The following LPAR3 variants were observed in gnomAD, a reference collection of about 807,000 sequenced individuals.
LPAR3 encodes the protein lysophosphatidic acid receptor 3.
Under a neutral mutation model 17.8 loss-of-function variants are expected in LPAR3, and 7 were observed. The ratio of observed to expected loss-of-function variants is 0.39; its 90% CI spans 0.22 to 0.74. The LOEUF is 0.74. LPAR3 is among the 30% of genes least tolerant of loss of function. The pLI is 0.40. For missense variants in LPAR3, 391 were observed against 453.4 expected (o/e 0.86, Z 1.25); for synonymous variants, 179 against 179.9 (o/e 0.99, Z 0.04).
chr1:84,870,789 C>T (rs960645244), intron 1 of LPAR3, among the ~76,000 whole-genome samples: 1 of 152,142 alleles, frequency 6.6e-6, no homozygotes, highest in Non-Finnish European at 1.5e-5. Flanking sequence ...CAGGCAGCCT[C>T]GTTCTACAGC....
intron 2 of LPAR3, among the ~76,000 whole-genome samples, chr1:84,837,916 T>C (rs773226555): frequency 1.3e-5 from 2 of 152,220 alleles, no homozygotes; most frequent in Non-Finnish European, 2.9e-5. Context: ...ATGGTATCCT[T>C]AGATTATACA....
chr1:84,830,181 C>T (rs182153532), intron 2 of LPAR3, among the ~76,000 whole-genome samples: 32 of 152,326 alleles, frequency 2.1e-4, no homozygotes, highest in Non-Finnish European at 2.9e-4. Context: ...AGTTCTCTCT[C>T]GTTCTGATTC....
chr1:84,869,452 A>G (rs1186910473), intron 1 of LPAR3, among the ~76,000 whole-genome samples: 2 of 152,220 alleles, frequency 1.3e-5, no homozygotes, highest in African/African-American at 2.4e-5. Context: ...AATTGGTGAA[A>G]AAGATTGCAC....
At chr1:84,875,984 T>C (rs1220195019) in intron 1 of LPAR3, among the ~76,000 whole-genome samples, 1 of 152,154 alleles carries the variant, frequency 6.6e-6, no homozygotes, top group Non-Finnish European at 1.5e-5. Flanking sequence ...GTCTGAATCC[T>C]CAAACTCTAC....
At chr1:84,887,295 T>C (rs1314017998) in intron 1 of LPAR3, among the ~76,000 whole-genome samples, 2 of 151,796 alleles carry the variant, frequency 1.3e-5, no homozygotes, top group African/African-American at 4.8e-5. Context: ...GAGGATCACT[T>C]GAGCCCAGGA....
At chr1:84,819,671 G>A (rs1423922343) in intron 2 of LPAR3, among the ~76,000 whole-genome samples, 1 of 152,160 alleles carries the variant, frequency 6.6e-6, no homozygotes, top group Non-Finnish European at 1.5e-5. Context: ...TTGCATTTGG[G>A]AAAATGTTTG....
chr1:84,853,910 G>A (rs1437774983), intron 2 of LPAR3, among the ~76,000 whole-genome samples: 1 of 152,176 alleles, frequency 6.6e-6, no homozygotes, highest in Non-Finnish European at 1.5e-5. Context: ...GGGCCTGCAT[G>A]GTCTTTTAAC....
rs985603939 is a variant in LPAR3 at position 84,819,999 on chromosome 1, C to A, written c.737-5828G>T. Among the ~76,000 whole-genome samples, 32 of 152,182 alleles carry A rather than the reference C, an allele frequency of 2.1e-4. 1 individual carries two copies. The highest frequency in any genetic ancestry group is 7.7e-4 in the African/African-American group (32 of 41,438). On this transcript the variant is annotated intron_variant, in intron 2 of 2. Coordinates refer to ENST00000370611, the MANE Select transcript of LPAR3 (RefSeq NM_012152.3). ...CATTTCCTGAGAACTCTGGGTCAGG[C>A]AGTGTGCTCAGGGCTTTACATGCAC...
At position 84,813,942 on chromosome 1, in the gene LPAR3, G is replaced by A; in HGVS notation, c.966C>T (p.Arg322=). Residue 322 remains arginine (R), a synonymous_variant, in exon 3 of 3, where the codon CGC becomes CGT. Coordinates refer to ENST00000370611, the MANE Select transcript of LPAR3 (RefSeq NM_012152.3). ...TCCTGCTGAGGACTGTGGAGGGGAT[G>A]CGAGAGGGACGCCTCTCTGGGTTCT... ...SQENPERRPS[R]IPSTVLSRSD... is the part of the protein sequence containing the mutation. 1 of 1,614,178 alleles carries A rather than the reference G, an allele frequency of 6.2e-7. No individual in the cohort carries two copies. The highest frequency in any genetic ancestry group is 8.5e-7 in the Non-Finnish European group (1 of 1,180,008).
At chr1:84,860,950 G>A (rs1242795632) in intron 2 of LPAR3, among the ~76,000 whole-genome samples, 1 of 151,964 alleles carries the variant, frequency 6.6e-6, no homozygotes, top group Non-Finnish European at 1.5e-5. Flanking sequence ...TGTTGGCCAG[G>A]ATGGTCTCAA....
At chr1:84,857,632 C>T (rs920850110) in intron 2 of LPAR3, among the ~76,000 whole-genome samples, 10 of 152,192 alleles carry the variant, frequency 6.6e-5, no homozygotes, top group African/African-American at 2.2e-4. Context: ...GAGCATGTGA[C>T]TTTACAGAAA....
chr1:84,865,070 C>CT (rs960844581), intron 2 of LPAR3, among the ~76,000 whole-genome samples: 1 of 152,086 alleles, frequency 6.6e-6, no homozygotes, highest in African/African-American at 2.4e-5. Flanking sequence ...CCTCACAACA[C>CT]TTTTTTAAAG....
At chr1:84,828,326 G>A (rs911444390) in intron 2 of LPAR3, among the ~76,000 whole-genome samples, 1 of 152,086 alleles carries the variant, frequency 6.6e-6, no homozygotes, top group Non-Finnish European at 1.5e-5. Context: ...GTTTTAAATT[G>A]GCAGCAGTCT....
intron 2 of LPAR3, among the ~76,000 whole-genome samples, chr1:84,835,175 T>G (rs1468045436): frequency 6.6e-6 from 1 of 152,214 alleles, no homozygotes; most frequent in Non-Finnish European, 1.5e-5. Flanking sequence ...TAAATTCCTC[T>G]TAAAATGTGA....
At chr1:84,882,401 T>C (rs1344440677) in intron 1 of LPAR3, among the ~76,000 whole-genome samples, 2 of 152,146 alleles carry the variant, frequency 1.3e-5, no homozygotes, top group Non-Finnish European at 2.9e-5. Context: ...ACTGTGAAAA[T>C]GTCCATACTA....
chr1:84,863,297 C>G (rs570869858), intron 2 of LPAR3, among the ~76,000 whole-genome samples: 4 of 152,020 alleles, frequency 2.6e-5, no homozygotes, highest in Non-Finnish European at 4.4e-5. Context: ...CTCTTCCTTT[C>G]TTTCTCAATT....
intron 2 of LPAR3, among the ~76,000 whole-genome samples, chr1:84,817,951 G>A (rs1658973839): frequency 6.6e-6 from 1 of 152,224 alleles, no homozygotes; most frequent in Non-Finnish European, 1.5e-5. Flanking sequence ...TCAGTAGTAA[G>A]ATGCTTTACG....
chr1:84,884,114 T>G (rs1660414737), intron 1 of LPAR3, among the ~76,000 whole-genome samples: 1 of 152,234 alleles, frequency 6.6e-6, no homozygotes, highest in African/African-American at 2.4e-5. Flanking sequence ...AAAAGCAACT[T>G]CCTCTTTTCC....
At chr1:84,866,463 C>A (rs1660053572) in intron 1 of LPAR3, among the ~76,000 whole-genome samples, 1 of 152,138 alleles carries the variant, frequency 6.6e-6, no homozygotes, top group Non-Finnish European at 1.5e-5. Context: ...GGTTGGCTGG[C>A]TGGCTGAATG....
Sources: gnomAD v4.1 joint callset for allele counts (sites outside exome capture counted in the v4.1 genomes callset) on GRCh38, gnomAD v4.1.1 for gene constraint, MANE v1.5 for transcripts, NCBI Gene and HGNC (gene_info 2026-07-23, HGNC 2026-07-21) for gene names.